The following KDF1 variants were observed in gnomAD, a reference collection of about 807,000 sequenced individuals.
The protein encoded by KDF1 is RP11-344H11.3.
KDF1 carries 11 observed loss-of-function variants against 31.6 expected under a neutral mutation model. That is an observed-to-expected ratio of 0.35 (90% CI 0.22 to 0.58). The LOEUF is 0.58. Ranked by LOEUF, KDF1 falls within the 20% of genes least tolerant of loss-of-function variation. The pLI is 0.83. For synonymous variants in KDF1, 205 were observed against 214.4 expected (o/e 0.96, Z 0.38); for missense variants, 476 against 549.1 (o/e 0.87, Z 1.33).
chr1:26,951,722 T>G lies in KDF1; in HGVS notation c.659A>C (p.His220Pro). The change falls in exon 2 of 4, where the codon CAT becomes CCT. Residue 220 changes from histidine to proline, a missense_variant. His to Pro is a moderately conservative substitution (Grantham distance 77). Coordinates refer to ENST00000320567, the MANE Select transcript of KDF1 (RefSeq NM_152365.3). This position sits in a 1 kb window ranked among gnomAD's most constrained non-coding sequence, Gnocchi z 5.4. The part of the protein sequence containing the change: ...PRGSEEYYSF[H>P]ESDLDLPEMG... ...CTCCGGCAGGTCCAGGTCCGACTCA[T>G]GGAAAGAATAGTACTCCTCGGAGCC... 2.5e-6 allele frequency: 4 copies of G among 1,613,818 alleles called. No homozygotes were observed. Among genetic ancestry groups the G allele is most frequent in the Non-Finnish European group, 3.4e-6 (4 of 1,179,984 alleles).
intron 1 of KDF1, among the ~76,000 whole-genome samples, chr1:26,958,937 A>G (rs74062548): frequency 0.013 from 2,046 of 152,344 alleles, 47 homozygotes; most frequent in African/African-American, 0.047. Context: ...TATTGATTAA[A>G]TTAATACAAC....
Position 26,952,429 on chromosome 1 carries a change from C to T in KDF1, c.-32-17G>A. 1 of 1,463,254 alleles carries T rather than the reference C, an allele frequency of 6.8e-7. No homozygotes were observed. The allele number at this position is 1,463,254 out of a possible 1,614,324, so 90.6% of individuals were successfully genotyped here. ...GCCAGGCACCTGCGTGGGGAGAGGCCAGGAAGGAGTCAGGATCAGAGGTGA... is the reference window on the plus strand; with the variant it reads ...GCCAGGCACCTGCGTGGGGAGAGGCTAGGAAGGAGTCAGGATCAGAGGTGA... On this transcript the variant is annotated splice_polypyrimidine_tract_variant and intron_variant, in intron 1 of 3. Transcript: ENST00000320567. The surrounding 1 kb of genome is among the most constrained non-coding windows in gnomAD (Gnocchi z 4.1).
chr1:26,956,524 T>C (rs938842942), intron 1 of KDF1, among the ~76,000 whole-genome samples: 2 of 152,174 alleles, frequency 1.3e-5, no homozygotes, highest in East Asian at 3.8e-4. Flanking sequence ...TCACGAAGTA[T>C]TCCTGTCAAA....
In KDF1 at chr1:26,951,426, G is replaced by A. The variant is rs750772780; in HGVS notation, c.955C>T (p.Arg319Cys). The A allele has an allele frequency of 5.0e-6, 8 of 1,612,432 alleles. No individual in the cohort carries two copies. Among genetic ancestry groups the A allele is most frequent in the South Asian group, 1.1e-5 (1 of 90,954 alleles). The change falls in exon 2 of 4, where the codon CGT becomes TGT. Residue 319 changes from arginine (R) to cysteine (C), a missense_variant. Coordinates refer to ENST00000320567, the MANE Select transcript of KDF1 (RefSeq NM_152365.3). The surrounding 1 kb of genome is among the most constrained non-coding windows in gnomAD (Gnocchi z 5.4). ...SRARPQTSEG[R>C]STRAAAPTAA... ...GTTGGGGCAGCAGCCCGAGTTGAACGACCCTCCGAGGTCTGTGGGCGAGCA... is the reference window on the plus strand; with the variant it reads ...GTTGGGGCAGCAGCCCGAGTTGAACAACCCTCCGAGGTCTGTGGGCGAGCA...
Position 26,952,512 on chromosome 1 carries a change from G to A in KDF1, c.-32-100C>T. On this transcript the variant is annotated intron_variant, in intron 1 of 3. Transcript: ENST00000320567. The surrounding 1 kb of genome is among the most constrained non-coding windows in gnomAD (Gnocchi z 4.1). ...CACATTTCTAGTTTCTGAGAGGCCT[G>A]GGATGTGGATGGACCCAAGTATGCC... 2.1e-6 allele frequency: 2 copies of A among 944,054 alleles called. No homozygotes were observed. Among genetic ancestry groups the A allele is most frequent in the Non-Finnish European group, 1.5e-6 (1 of 662,312 alleles). The allele number at this position is 944,054 out of a possible 1,614,324, so 58.5% of individuals were successfully genotyped here.
intron 1 of KDF1, among the ~76,000 whole-genome samples, chr1:26,959,524 C>T (rs1318881199): frequency 6.6e-6 from 1 of 152,122 alleles, no homozygotes. Context: ...ATATTGAGTG[C>T]AGGGGGCTTC....
chr1:26,950,694 A>G lies in KDF1; in HGVS notation c.1102T>C (p.Tyr368His). ...GTCAAGACCACACCTGGAGCTCCAT[A>G]AGGCCTCAGCTTCCGGGCGATGGCA... ...ADAIARKLRP[Y>H]GAPGYPASHD... The change falls in exon 3 of 4, where the codon TAT becomes CAT. Residue 368 changes from tyrosine (Y) to histidine (H), a missense_variant. By Grantham distance (83) the Tyr-to-His change is moderately conservative. Transcript: ENST00000320567. This position sits in a 1 kb window ranked among gnomAD's most constrained non-coding sequence, Gnocchi z 4.0. 4 of 1,613,964 alleles carry G rather than the reference A, an allele frequency of 2.5e-6. No homozygotes were observed. The highest frequency in any genetic ancestry group is 3.4e-6 in the Non-Finnish European group (4 of 1,179,888).
intron 1 of KDF1, among the ~76,000 whole-genome samples, chr1:26,957,012 AAAC>A (rs1264338300): frequency 5.9e-5 from 9 of 152,158 alleles, no homozygotes; most frequent in Non-Finnish European, 1.2e-4. Flanking sequence ...ATGAAGCCTC[AAAC>A]AACAGGGCTC....
chr1:26,953,561 GGAATATTAC>G (rs1412134463), intron 1 of KDF1, among the ~76,000 whole-genome samples: 3 of 152,140 alleles, frequency 2.0e-5, no homozygotes, highest in African/African-American at 7.2e-5. Context: ...TACATACAAT[GGAATATTAC>G]TCAGCCTTAA....
In KDF1 at chr1:26,951,863, GGATACACAGGGAT is replaced by G; in HGVS notation, c.505_517del (p.Ile169ProfsTer75). 6.2e-7 allele frequency: 1 copy of G among 1,613,614 alleles called. No homozygotes were observed. The highest frequency in any genetic ancestry group is 8.5e-7 in the Non-Finnish European group (1 of 1,179,714). ...GGCTGGGGAGGTGGCCCTCGGGTAG[GGATACACAGGGAT>G]GCCTTTGAGCTTAACATCGGGGTAG... is the stretch of plus-strand genomic sequence containing the variant. On this transcript the variant is annotated frameshift_variant, in exon 2 of 4. Transcript: ENST00000320567. LOFTEE classifies it high-confidence loss of function. This position sits in a 1 kb window ranked among gnomAD's most constrained non-coding sequence, Gnocchi z 5.4.
In KDF1 at chr1:26,952,441, A is replaced by G. The variant is rs2082357114; in HGVS notation, c.-32-29T>C. 1 of 1,426,738 alleles carries G rather than the reference A, an allele frequency of 7.0e-7. No homozygotes were observed. The highest frequency in any genetic ancestry group is 1.4e-5 in the South Asian group (1 of 70,962). The allele number at this position is 1,426,738 out of a possible 1,614,324, so 88.4% of individuals were successfully genotyped here. On this transcript the variant is annotated intron_variant, in intron 1 of 3. Transcript: ENST00000320567. The surrounding 1 kb of genome is among the most constrained non-coding windows in gnomAD (Gnocchi z 4.1). ...CGTGGGGAGAGGCCAGGAAGGAGTC[A>G]GGATCAGAGGTGAGGGACAAACTCC...
At position 26,949,875 on chromosome 1, in the gene KDF1, G is replaced by T; in HGVS notation, c.*194C>A. 2 of 549,172 alleles carry T rather than the reference G, an allele frequency of 3.6e-6. No individual in the cohort carries two copies. Among genetic ancestry groups the T allele is most frequent in the Non-Finnish European group, 6.6e-6 (2 of 305,070 alleles). 34.0% of individuals were successfully genotyped at this position (549,172 alleles called of 1,614,324 possible). A position where few individuals can be genotyped will look rare whatever the true frequency, so the allele number is the denominator to read the frequency against. ...CCCTGGCAGGGATCAGACCAGCTGG[G>T]GATGCAAGGAGATGTAGATCCCATG... On this transcript the variant is annotated 3_prime_UTR_variant, in exon 4 of 4. Coordinates refer to ENST00000320567, the MANE Select transcript of KDF1 (RefSeq NM_152365.3).
Position 26,950,844 on chromosome 1 carries a change from G to A in KDF1, c.1040-88C>T. 1 of 1,183,072 alleles carries A rather than the reference G, an allele frequency of 8.5e-7. No homozygotes were observed. Among genetic ancestry groups the A allele is most frequent in the Non-Finnish European group, 1.3e-6 (1 of 792,940 alleles). 73.3% of individuals were successfully genotyped at this position (1,183,072 alleles called of 1,614,324 possible). On this transcript the variant is annotated intron_variant, in intron 2 of 3. Coordinates refer to ENST00000320567, the MANE Select transcript of KDF1 (RefSeq NM_152365.3). This position sits in a 1 kb window ranked among gnomAD's most constrained non-coding sequence, Gnocchi z 4.0. ...TTCTGTTCCCAGCCCGATGAGGGAG[G>A]AGCCACTCACTCCTGGGCAGGGCTA...
chr1:26,955,309 G>C (rs530219949), intron 1 of KDF1, among the ~76,000 whole-genome samples: 4 of 152,158 alleles, frequency 2.6e-5, no homozygotes, highest in African/African-American at 9.7e-5. Context: ...CATAAGACTT[G>C]CTATGGAACC....
intron 1 of KDF1, among the ~76,000 whole-genome samples, chr1:26,959,659 T>A (rs1045920851): frequency 2.6e-5 from 4 of 151,212 alleles, no homozygotes; most frequent in African/African-American, 9.7e-5. Flanking sequence ...GCTTTCCTCT[T>A]CCCCCTTAGT....
At chr1:26,955,579 C>T (rs980493782) in intron 1 of KDF1, among the ~76,000 whole-genome samples, 1 of 152,146 alleles carries the variant, frequency 6.6e-6, no homozygotes, top group Admixed American at 6.5e-5. Flanking sequence ...TGCTGGGTAC[C>T]GTAGAACCAA....
At chr1:26,959,850 C>T (rs925287588) in intron 1 of KDF1, among the ~76,000 whole-genome samples, 4 of 152,176 alleles carry the variant, frequency 2.6e-5, no homozygotes, top group African/African-American at 9.7e-5. Flanking sequence ...GCACCCTCGG[C>T]CTCCTGCCCC....
rs144505487 is a variant in KDF1, at chr1:26,952,337, C to T, written c.44G>A (p.Arg15His). 4 of 1,520,882 alleles carry T rather than the reference C, an allele frequency of 2.6e-6. No individual in the cohort carries two copies. Among genetic ancestry groups the T allele is most frequent in the Middle Eastern group, 1.8e-4 (1 of 5,578 alleles). The allele number at this position is 1,520,882 out of a possible 1,614,324, so 94.2% of individuals were successfully genotyped here. Residue 15 changes from arginine (R) to histidine (H), a missense_variant, in exon 2 of 4, where the codon CGC becomes CAC. This residue lies in a region of KDF1 where 330 missense variants were observed against 332.3 expected (regional missense o/e 0.99). Coordinates refer to ENST00000320567, the MANE Select transcript of KDF1 (RefSeq NM_152365.3). This position sits in a 1 kb window ranked among gnomAD's most constrained non-coding sequence, Gnocchi z 4.1. The part of the protein sequence containing the change: ...GHPRPASGPP[R>H]LGPWERPTEL... Reference sequence around the variant, plus strand: ...TGTTGGCCGCTCCCACGGTCCCAAGCGTGGAGGCCCAGATGCTGGGCGGGG... The same window carrying T: ...TGTTGGCCGCTCCCACGGTCCCAAGTGTGGAGGCCCAGATGCTGGGCGGGG...
At chr1:26,958,866 C>T (rs764410170) in intron 1 of KDF1, among the ~76,000 whole-genome samples, 22 of 152,314 alleles carry the variant, frequency 1.4e-4, no homozygotes, top group Admixed American at 2.6e-4. Flanking sequence ...GTACGTGGGG[C>T]TCCTGAGGAT....
Sources: gnomAD v4.1 joint callset for allele counts (sites outside exome capture counted in the v4.1 genomes callset) on GRCh38, gnomAD v4.1.1 for gene constraint, gnomAD v4.1.1 regional missense constraint, Gnocchi (gnomAD v3.1) non-coding constraint, MANE v1.5 for transcripts, NCBI Gene and HGNC (gene_info 2026-07-23, HGNC 2026-07-21) for gene names.